The following TAFA1 variants were observed in gnomAD, a reference collection of about 807,000 sequenced individuals.
TAFA1 encodes chemokine-like protein TAFA-1.
A neutral mutation model predicts 18.5 loss-of-function variants in TAFA1; 4 were observed. The ratio of observed to expected loss-of-function variants is 0.22; its 90% CI spans 0.11 to 0.49. TAFA1 has a LOEUF of 0.49. TAFA1 is among the 20% of genes least tolerant of loss of function. TAFA1 has a pLI of 0.98. For synonymous variants in TAFA1, 56 were observed against 55.2 expected (o/e 1.01, Z -0.06); for missense variants, 147 against 169.0 (o/e 0.87, Z 0.72).
At chr3:68,190,700 T>C (rs1423192547) in intron 2 of TAFA1, among the ~76,000 whole-genome samples, 2 of 151,794 alleles carry the variant, frequency 1.3e-5, no homozygotes, top group African/African-American at 2.4e-5. Context: ...AATAAAGGTA[T>C]GTGTTTTGGG....
chr3:68,046,947 A>G (rs1479575559), intron 2 of TAFA1, among the ~76,000 whole-genome samples: 3 of 152,224 alleles, frequency 2.0e-5, no homozygotes, highest in African/African-American at 4.8e-5. Context: ...AAAACCAAGT[A>G]TGTACCTCTT....
At chr3:68,318,199 T>C (rs1462192225) in intron 2 of TAFA1, among the ~76,000 whole-genome samples, 1 of 152,184 alleles carries the variant, frequency 6.6e-6, no homozygotes, top group African/African-American at 2.4e-5. Context: ...TCTCTGGTGA[T>C]GAAACCACCA....
chr3:68,358,826 T>C (rs1205611113), intron 2 of TAFA1, among the ~76,000 whole-genome samples: 1 of 151,972 alleles, frequency 6.6e-6, no homozygotes, highest in Non-Finnish European at 1.5e-5. Context: ...TGATAATCCT[T>C]CTATGACCAT....
At chr3:68,025,980 C>CCT (rs1347422306) in intron 2 of TAFA1, among the ~76,000 whole-genome samples, 1 of 151,978 alleles carries the variant, frequency 6.6e-6, no homozygotes, top group Admixed American at 6.6e-5. Context: ...AGTTTTGATC[C>CCT]CTGTTATGTC....
At chr3:68,281,376 C>T (rs924191908) in intron 2 of TAFA1, among the ~76,000 whole-genome samples, 3 of 151,570 alleles carry the variant, frequency 2.0e-5, no homozygotes, top group African/African-American at 7.3e-5. Context: ...TTTTAAAAAT[C>T]AGGACTGCTG....
At chr3:68,429,132 C>A (rs1463525121) in intron 3 of TAFA1, among the ~76,000 whole-genome samples, 1 of 151,926 alleles carries the variant, frequency 6.6e-6, no homozygotes, top group Non-Finnish European at 1.5e-5. Context: ...TGCCTTTCAT[C>A]TTGGGCTCAT....
chr3:68,480,218 C>T (rs976381707), intron 3 of TAFA1, among the ~76,000 whole-genome samples: 13 of 146,222 alleles, frequency 8.9e-5, no homozygotes, highest in African/African-American at 3.3e-4. Context: ...CAGTGAAACC[C>T]CATCTCTACT....
At chr3:68,265,655 A>T (rs377604937) in intron 2 of TAFA1, among the ~76,000 whole-genome samples, 3 of 152,314 alleles carry the variant, frequency 2.0e-5, no homozygotes, top group East Asian at 1.9e-4. Flanking sequence ...GAACCAGAAA[A>T]GCATGGCCTT....
chr3:68,373,637 C>T (rs2069755199), intron 2 of TAFA1, among the ~76,000 whole-genome samples: 1 of 152,324 alleles, frequency 6.6e-6, no homozygotes, highest in East Asian at 1.9e-4. Context: ...TTTCACACAG[C>T]AGACACCAGC....
intron 3 of TAFA1, among the ~76,000 whole-genome samples, chr3:68,433,985 G>C (rs971555097): frequency 6.6e-6 from 1 of 152,046 alleles, no homozygotes; most frequent in African/African-American, 2.4e-5. Context: ...TTTGTCCTGA[G>C]TGTATCACAG....
chr3:68,341,577 G>C (rs1009748938), intron 2 of TAFA1, among the ~76,000 whole-genome samples: 7 of 151,604 alleles, frequency 4.6e-5, no homozygotes, highest in South Asian at 2.1e-4. Flanking sequence ...AGGAAAGAAG[G>C]GTGTTTTTTT....
At chr3:68,153,179 T>C (rs1439769960) in intron 2 of TAFA1, among the ~76,000 whole-genome samples, 1 of 152,208 alleles carries the variant, frequency 6.6e-6, no homozygotes, top group African/African-American at 2.4e-5. Context: ...TCTCAGCAAA[T>C]ATTTTTAAAT....
chr3:68,420,093 A>G (rs908242479), intron 3 of TAFA1, among the ~76,000 whole-genome samples: 1 of 152,162 alleles, frequency 6.6e-6, no homozygotes, highest in Non-Finnish European at 1.5e-5. Flanking sequence ...CAGGGCATGA[A>G]TATATTTGAC....
At chr3:68,236,425 G>A (rs1230084867) in intron 2 of TAFA1, among the ~76,000 whole-genome samples, 1 of 152,134 alleles carries the variant, frequency 6.6e-6, no homozygotes, top group East Asian at 1.9e-4. Context: ...TTCTCATATA[G>A]GCCAAAATAC....
intron 2 of TAFA1, among the ~76,000 whole-genome samples, chr3:68,084,555 T>C (rs1467581122): frequency 2.6e-5 from 4 of 152,234 alleles, no homozygotes; most frequent in Admixed American, 1.3e-4. Flanking sequence ...CGCAGTAGTT[T>C]AGGAGGCTGA....
At chr3:68,420,742 C>T (rs960564814) in intron 3 of TAFA1, among the ~76,000 whole-genome samples, 2 of 151,980 alleles carry the variant, frequency 1.3e-5, no homozygotes, top group African/African-American at 4.8e-5. Flanking sequence ...CCTGCGCCCC[C>T]GAATCCCCAC....
intron 3 of TAFA1, among the ~76,000 whole-genome samples, chr3:68,531,306 C>CA (rs1276918048): frequency 6.6e-6 from 1 of 152,098 alleles, no homozygotes; most frequent in Non-Finnish European, 1.5e-5. Context: ...GAGAACAAGG[C>CA]AAGTTTTAGA....
At chr3:68,065,045 T>A (rs1220053317) in intron 2 of TAFA1, among the ~76,000 whole-genome samples, 1 of 152,030 alleles carries the variant, frequency 6.6e-6, no homozygotes, top group East Asian at 1.9e-4. Context: ...GGCTATAGAT[T>A]TTAAGCTTTG....
intron 3 of TAFA1, among the ~76,000 whole-genome samples, chr3:68,418,108 G>A (rs182069470): frequency 6.6e-5 from 10 of 152,212 alleles, no homozygotes; most frequent in Admixed American, 5.9e-4. Context: ...TGAGGCTCTA[G>A]AGAATGATGA....
Sources: gnomAD v4.1 joint callset for allele counts (sites outside exome capture counted in the v4.1 genomes callset) on GRCh38, gnomAD v4.1.1 for gene constraint, MANE v1.5 for transcripts, NCBI Gene and HGNC (gene_info 2026-07-23, HGNC 2026-07-21) for gene names.